Variants in CTNNBL1 observed in about 807,000 individuals in gnomAD.
CTNNBL1 encodes catenin beta like 1, also known as beta-catenin-like protein 1.
Under a neutral mutation model 72.7 loss-of-function variants are expected in CTNNBL1, and 31 were observed. The observed-to-expected ratio is 0.43, with a 90% CI of 0.32 to 0.58. The LOEUF (loss-of-function observed/expected upper bound fraction) is 0.58, where lower values mean the gene tolerates loss of function less well. Ranked by LOEUF, CTNNBL1 falls within the 20% of genes least tolerant of loss-of-function variation. The pLI, the probability that CTNNBL1 is intolerant of heterozygous loss-of-function variation, is 0.08. For missense variants in CTNNBL1, 534 were observed against 725.1 expected (o/e 0.74, Z 3.03); for synonymous variants, 240 against 267.3 (o/e 0.90, Z 1.00).
In CTNNBL1 at chr20:37,765,379, G is replaced by A. The variant is rs538871489; in HGVS notation, c.658+89G>A. On this transcript the variant is annotated intron_variant, in intron 6 of 15. Transcript: ENST00000361383. ...ATTTCCCTTCCTTCTTCATAATAGA[G>A]TCAATAGCAGGCTGTTTTCCTTCCT... The A allele has an allele frequency of 4.9e-4, 406 of 824,412 alleles. 2 individuals carry two copies. Among genetic ancestry groups the A allele is most frequent in the African/African-American group, 2.4e-3 (143 of 59,024 alleles). The allele number at this position is 824,412 out of a possible 1,614,324, so 51.1% of individuals were successfully genotyped here.
At chr20:37,862,446 T>C (rs1344586797) in intron 15 of CTNNBL1, among the ~76,000 whole-genome samples, 1 of 152,168 alleles carries the variant, frequency 6.6e-6, no homozygotes, top group Admixed American at 6.5e-5. Flanking sequence ...TAGTTGGATG[T>C]TTTTCTTTCT....
chr20:37,867,767 C>G (rs1294870256), intron 15 of CTNNBL1, among the ~76,000 whole-genome samples: 1 of 152,118 alleles, frequency 6.6e-6, no homozygotes, highest in African/African-American at 2.4e-5. Context: ...TCTGGGAGGA[C>G]TCTGTTCAAT....
intron 10 of CTNNBL1, among the ~76,000 whole-genome samples, chr20:37,781,788 A>G (rs1340451906): frequency 1.3e-5 from 2 of 152,116 alleles, no homozygotes; most frequent in East Asian, 3.8e-4. Context: ...AGTTCAGGAA[A>G]GTTTCTGTGG....
intron 10 of CTNNBL1, among the ~76,000 whole-genome samples, chr20:37,793,338 C>A (rs1473163955): frequency 6.6e-6 from 1 of 152,122 alleles, no homozygotes; most frequent in Non-Finnish European, 1.5e-5. Flanking sequence ...ATTATATGTT[C>A]TTTTGTTTAA....
chr20:37,739,552 C>T (rs2073197275), intron 3 of CTNNBL1, among the ~76,000 whole-genome samples: 1 of 152,058 alleles, frequency 6.6e-6, no homozygotes, highest in South Asian at 2.1e-4. Flanking sequence ...ATTTTGAATT[C>T]CCAGATTGAA....
chr20:37,750,993 G>C (rs1046649970), intron 4 of CTNNBL1: 13 of 152,122 alleles, frequency 8.5e-5, no homozygotes, highest in African/African-American at 2.9e-4. Flanking sequence ...GCTTTTGACA[G>C]ACATGGAGAT....
intron 13 of CTNNBL1, among the ~76,000 whole-genome samples, chr20:37,855,767 C>A (rs540454412): frequency 1.5e-4 from 23 of 152,374 alleles, no homozygotes; most frequent in African/African-American, 5.3e-4. Context: ...TATCTGACTT[C>A]TCTGGCCAGC....
chr20:37,783,979 T>G (rs546251993), intron 10 of CTNNBL1, among the ~76,000 whole-genome samples: 1 of 152,326 alleles, frequency 6.6e-6, no homozygotes, highest in African/African-American at 2.4e-5. Flanking sequence ...TATTGGGATC[T>G]GTCTCTCCCT....
chr20:37,851,553 C>T (rs569902894), intron 13 of CTNNBL1, among the ~76,000 whole-genome samples: 7 of 152,252 alleles, frequency 4.6e-5, no homozygotes, highest in Admixed American at 2.6e-4. Flanking sequence ...AAAACATAGA[C>T]TTTTTCCTTT....
intron 11 of CTNNBL1, among the ~76,000 whole-genome samples, chr20:37,824,462 A>C (rs1024230892): frequency 6.6e-6 from 1 of 152,208 alleles, no homozygotes; most frequent in African/African-American, 2.4e-5. Flanking sequence ...TAAACGCCTG[A>C]ATTCTCAGGA....
At chr20:37,775,189 A>T (rs1216659921) in intron 7 of CTNNBL1, among the ~76,000 whole-genome samples, 2 of 152,260 alleles carry the variant, frequency 1.3e-5, no homozygotes, top group Admixed American at 1.3e-4. Context: ...ACAAATTGAA[A>T]GAAAAAATAT....
chr20:37,783,755 A>G (rs999917136), intron 10 of CTNNBL1, among the ~76,000 whole-genome samples: 1 of 152,198 alleles, frequency 6.6e-6, no homozygotes, highest in African/African-American at 2.4e-5. Flanking sequence ...GTATTTTTAA[A>G]GAATTGTTTT....
chr20:37,753,694 G>A (rs1253503513), intron 4 of CTNNBL1, among the ~76,000 whole-genome samples: 1 of 152,208 alleles, frequency 6.6e-6, no homozygotes, highest in East Asian at 1.9e-4. Flanking sequence ...CTGTATTATA[G>A]TGCTTTCATA....
chr20:37,785,952 G>T (rs2073669623), intron 10 of CTNNBL1, among the ~76,000 whole-genome samples: 2 of 152,236 alleles, frequency 1.3e-5, no homozygotes, highest in Non-Finnish European at 2.9e-5. Flanking sequence ...CAGCAGCTGT[G>T]TCTGCATTAG....
chr20:37,827,588 G>A (rs2072171106), intron 11 of CTNNBL1, among the ~76,000 whole-genome samples: 1 of 152,172 alleles, frequency 6.6e-6, no homozygotes, highest in Admixed American at 6.5e-5. Flanking sequence ...TTTCCCCTGA[G>A]AAAGAAGGAA....
intron 1 of CTNNBL1, among the ~76,000 whole-genome samples, chr20:37,730,083 A>G (rs1292471611): frequency 1.3e-5 from 2 of 152,208 alleles, no homozygotes. Flanking sequence ...AGCACCTGGT[A>G]TGTGGAGCAA....
At chr20:37,848,499 A>G (rs1053569536) in intron 13 of CTNNBL1, among the ~76,000 whole-genome samples, 2 of 152,032 alleles carry the variant, frequency 1.3e-5, no homozygotes, top group East Asian at 3.9e-4. Context: ...TTCTCAGTCC[A>G]TAGATTTGCC....
At chr20:37,825,440 C>T (rs1282464803) in intron 11 of CTNNBL1, among the ~76,000 whole-genome samples, 2 of 152,064 alleles carry the variant, frequency 1.3e-5, no homozygotes, top group Non-Finnish European at 2.9e-5. Flanking sequence ...TTTGGGAGAC[C>T]GAGGTAGGTG....
chr20:37,756,130 C>A (rs1452607545), intron 4 of CTNNBL1, among the ~76,000 whole-genome samples: 2 of 152,210 alleles, frequency 1.3e-5, no homozygotes, highest in African/African-American at 4.8e-5. Context: ...CTTCTTCTAG[C>A]AAGTCATAAC....
Sources: allele counts gnomAD v4.1 joint callset (sites outside exome capture counted in the v4.1 genomes callset), GRCh38; gene constraint gnomAD v4.1.1; transcripts MANE v1.5; gene names NCBI Gene and HGNC (gene_info 2026-07-23, HGNC 2026-07-21).